The following KCNN2 variants were observed in gnomAD, a reference collection of about 807,000 sequenced individuals.
The protein encoded by KCNN2 is potassium calcium-activated channel subfamily N member 2, also known as small conductance calcium-activated potassium channel protein 2.
KCNN2 carries 24 observed loss-of-function variants against 55.5 expected under a neutral mutation model. The observed-to-expected ratio is 0.43, with a 90% CI of 0.31 to 0.61. KCNN2 has a LOEUF of 0.61. Ranked by LOEUF, KCNN2 falls within the 20% of genes least tolerant of loss-of-function variation. KCNN2 has a pLI of 0.08. For missense variants in KCNN2, 754 were observed against 853.6 expected (o/e 0.88, Z 1.45); for synonymous variants, 431 against 336.1 (o/e 1.28, Z -3.09).
At chr5:114,391,759 C>T (rs570728630) in intron 2 of KCNN2, among the ~76,000 whole-genome samples, 1 of 152,250 alleles carries the variant, frequency 6.6e-6, no homozygotes, top group African/African-American at 2.4e-5. Context: ...AAATTAAATG[C>T]AGGCATACTT....
intron 2 of KCNN2, among the ~76,000 whole-genome samples, chr5:114,300,826 C>T (rs187675962): frequency 1.8e-3 from 277 of 152,224 alleles, no homozygotes; most frequent in African/African-American, 6.4e-3. Context: ...TTTAAAAGCA[C>T]ATATTTTCTG....
At chr5:114,078,493 T>C (rs1001322955) in intron 1 of KCNN2, among the ~76,000 whole-genome samples, 3 of 152,104 alleles carry the variant, frequency 2.0e-5, no homozygotes, top group Non-Finnish European at 4.4e-5. Context: ...CCAGGATCCT[T>C]CCCTCACGCT....
intron 3 of KCNN2, among the ~76,000 whole-genome samples, chr5:114,412,826 G>T (rs576830119): frequency 1.3e-5 from 2 of 152,318 alleles, no homozygotes; most frequent in South Asian, 2.1e-4. Flanking sequence ...CATAAAATAT[G>T]CATTGCAGTG....
intron 1 of KCNN2, among the ~76,000 whole-genome samples, chr5:114,073,846 C>T (rs1441707826): frequency 6.6e-6 from 1 of 152,166 alleles, no homozygotes; most frequent in South Asian, 2.1e-4. Context: ...TGAATATCTA[C>T]CTCAAGTAAT....
intron 1 of KCNN2, among the ~76,000 whole-genome samples, chr5:114,067,005 A>G (rs1750465755): frequency 6.6e-6 from 1 of 152,212 alleles, no homozygotes; most frequent in South Asian, 2.1e-4. Context: ...ATTTCACAGT[A>G]AGGACATTCA....
intron 1 of KCNN2, among the ~76,000 whole-genome samples, chr5:114,097,069 A>G (rs1410230252): frequency 6.6e-6 from 1 of 152,196 alleles, no homozygotes; most frequent in African/African-American, 2.4e-5. Context: ...CTAGGCAATT[A>G]CACCTCTTTC....
At chr5:114,234,382 A>G (rs1754429188) in intron 2 of KCNN2, among the ~76,000 whole-genome samples, 1 of 152,208 alleles carries the variant, frequency 6.6e-6, no homozygotes, top group Non-Finnish European at 1.5e-5. Context: ...TTGGACTGAG[A>G]CAGACATGCA....
intron 5 of KCNN2, among the ~76,000 whole-genome samples, chr5:114,482,750 A>G (rs533590447): frequency 1.3e-5 from 2 of 152,318 alleles, no homozygotes; most frequent in African/African-American, 2.4e-5. Context: ...GCTGGAATCC[A>G]TTATCCTCAT....
At chr5:114,352,882 C>T (rs1408960782) in intron 2 of KCNN2, among the ~76,000 whole-genome samples, 1 of 151,834 alleles carries the variant, frequency 6.6e-6, no homozygotes, top group East Asian at 1.9e-4. Flanking sequence ...GGAGAATGTT[C>T]TGTAAATGTC....
Position 114,362,659 on chromosome 5 carries a change from G to T in KCNN2, c.520G>T (p.Gly174Cys). The part of the protein sequence containing the change: ...QPAASPTGSL[G>C]SLGSGPPLSH... Reference sequence around the variant, plus strand: ...CGCCGCCAGCCCCACGGGCAGCCTCGGCAGTCTGGGCTCCGGGCCCCCGCT... The same window carrying T: ...CGCCGCCAGCCCCACGGGCAGCCTCTGCAGTCTGGGCTCCGGGCCCCCGCT... Residue 174 changes from glycine to cysteine, a missense_variant, in exon 1 of 8, where the codon GGC (glycine) becomes TGC (cysteine). Around this residue, in one of 4 missense-constraint regions of KCNN2, gnomAD observed 381 missense variants for 259.1 expected, o/e 1.47. Coordinates refer to ENST00000673685, the MANE Select transcript of KCNN2 (RefSeq NM_021614.4). 7.3e-7 allele frequency: 1 copy of T among 1,371,752 alleles called. No individual in the cohort carries two copies. Among genetic ancestry groups the T allele is most frequent in the Non-Finnish European group, 9.6e-7 (1 of 1,044,628 alleles). The allele number at this position is 1,371,752 out of a possible 1,614,324, so 85.0% of individuals were successfully genotyped here.
intron 1 of KCNN2, among the ~76,000 whole-genome samples, chr5:114,191,106 C>A (rs17429202): frequency 6.6e-6 from 1 of 152,128 alleles, no homozygotes; most frequent in African/African-American, 2.4e-5. Flanking sequence ...ATGTAAAGAA[C>A]TTAGAATACC....
chr5:114,281,129 CTCAGGTTTTGCCT>C, intron 2 of KCNN2, among the ~76,000 whole-genome samples: 1 of 152,214 alleles, frequency 6.6e-6, no homozygotes, highest in Admixed American at 6.5e-5. Context: ...TGTCCTTCTA[CTCAGGTTTTGCCT>C]TCCTAACAAG....
chr5:114,074,030 T>G (rs1750630055), intron 1 of KCNN2, among the ~76,000 whole-genome samples: 1 of 152,172 alleles, frequency 6.6e-6, no homozygotes, highest in Non-Finnish European at 1.5e-5. Context: ...ATCTACAACT[T>G]TCAGATTTTT....
chr5:114,254,371 A>G (rs1442580356), intron 2 of KCNN2, among the ~76,000 whole-genome samples: 1 of 152,152 alleles, frequency 6.6e-6, no homozygotes, highest in Non-Finnish European at 1.5e-5. Flanking sequence ...AGAAATGTTT[A>G]TTTTACTTAT....
intron 2 of KCNN2, among the ~76,000 whole-genome samples, chr5:114,366,478 A>C (rs1205808475): frequency 6.6e-6 from 1 of 152,184 alleles, no homozygotes; most frequent in African/African-American, 2.4e-5. Context: ...TGAAGCTCCA[A>C]ATTCTTATCT....
chr5:114,191,697 A>T (rs989064952), intron 1 of KCNN2, among the ~76,000 whole-genome samples: 3 of 152,122 alleles, frequency 2.0e-5, no homozygotes, highest in Non-Finnish European at 4.4e-5. Context: ...GCTAACTAAG[A>T]ATGGTAAGGG....
intron 7 of KCNN2, among the ~76,000 whole-genome samples, chr5:114,495,125 A>ACAAT (rs1408213657): frequency 6.6e-6 from 1 of 152,150 alleles, no homozygotes; most frequent in Non-Finnish European, 1.5e-5. Context: ...TGTGATCAAG[A>ACAAT]CAATCAATTT....
At chr5:114,179,587 G>A (rs1753201609) in intron 1 of KCNN2, among the ~76,000 whole-genome samples, 1 of 152,104 alleles carries the variant, frequency 6.6e-6, no homozygotes, top group South Asian at 2.1e-4. Context: ...CTTATCTTGG[G>A]AAACTTCCCT....
chr5:114,281,593 C>T (rs1269808309), intron 2 of KCNN2, among the ~76,000 whole-genome samples: 1 of 134,996 alleles, frequency 7.4e-6, no homozygotes, highest in African/African-American at 2.7e-5. Flanking sequence ...CAATCTCTGT[C>T]TCTCTCTCTC....
Sources: allele counts gnomAD v4.1 joint callset (sites outside exome capture counted in the v4.1 genomes callset), GRCh38; gene constraint gnomAD v4.1.1; regional missense constraint gnomAD v4.1.1; transcripts MANE v1.5; gene names NCBI Gene and HGNC (gene_info 2026-07-23, HGNC 2026-07-21).